Variants in FKBP5 observed in about 807,000 individuals in gnomAD.
FKBP5 encodes the protein FKBP prolyl isomerase 5.
In FKBP5, 23 loss-of-function variants were observed where a neutral mutation model predicts 50.5. That is an observed-to-expected ratio of 0.46 (90% CI 0.33 to 0.65). The LOEUF (loss-of-function observed/expected upper bound fraction) is 0.65, where lower values mean the gene tolerates loss of function less well. FKBP5 is among the 30% of genes least tolerant of loss of function. The probability of loss-of-function intolerance (pLI) is 0.02; values close to 1 mark genes in which losing one functional copy is unlikely to be tolerated. For missense variants in FKBP5, 411 were observed against 553.1 expected (o/e 0.74, Z 2.58); for synonymous variants, 176 against 190.6 (o/e 0.92, Z 0.63).
At chr6:35,608,485 T>C (rs933950689) in intron 5 of FKBP5, among the ~76,000 whole-genome samples, 6 of 152,148 alleles carry the variant, frequency 3.9e-5, no homozygotes, top group Non-Finnish European at 7.4e-5. Flanking sequence ...GCTTATGCCC[T>C]GGAGTTCAAG....
intron 3 of FKBP5, among the ~76,000 whole-genome samples, chr6:35,622,717 C>A (rs1763882354): frequency 6.6e-6 from 1 of 152,084 alleles, no homozygotes; most frequent in Non-Finnish European, 1.5e-5. Context: ...ACTACTTTTT[C>A]ATTTATTATA....
At chr6:35,693,908 T>A (rs982636832), upstream of FKBP5, among the ~76,000 whole-genome samples, 1 of 152,130 alleles carries the variant, frequency 6.6e-6, no homozygotes, top group African/African-American at 2.4e-5. Context: ...TTATCCATCC[T>A]TAAACATAGT....
At chr6:35,670,885 T>G (rs1162058795) in intron 1 of FKBP5, among the ~76,000 whole-genome samples, 1 of 152,070 alleles carries the variant, frequency 6.6e-6, no homozygotes, top group African/African-American at 2.4e-5. Flanking sequence ...TTAAAAAATA[T>G]AAATGCACAC....
chr6:35,589,128 A>ATATATATATTT (rs1427010607), intron 7 of FKBP5, among the ~76,000 whole-genome samples: 1 of 121,562 alleles, frequency 8.2e-6, no homozygotes. Context: ...ATATATATAT[A>ATATATATATTT]TTTTTTTTTT....
intron 1 of FKBP5, among the ~76,000 whole-genome samples, chr6:35,655,639 T>G (rs572310275): frequency 2.0e-5 from 3 of 152,312 alleles, no homozygotes; most frequent in Admixed American, 2.0e-4. Flanking sequence ...TGATCACGAT[T>G]TTCAAAATCA....
chr6:35,688,489 T>A (rs1765900824), intron 1 of FKBP5, among the ~76,000 whole-genome samples: 1 of 151,762 alleles, frequency 6.6e-6, no homozygotes, highest in Admixed American at 6.6e-5. Context: ...CCGCCTCGCC[T>A]CTGCCGGGAG....
chr6:35,631,995 A>G (rs1450594863), intron 3 of FKBP5, among the ~76,000 whole-genome samples: 1 of 150,360 alleles, frequency 6.7e-6, no homozygotes, highest in Admixed American at 6.6e-5. Flanking sequence ...TAATTCTTTC[A>G]TCCTCCAAAT....
intron 5 of FKBP5, among the ~76,000 whole-genome samples, chr6:35,605,383 CTTTTTTTTTTTTT>C (rs1158530509): frequency 7.3e-4 from 38 of 52,310 alleles, no homozygotes; most frequent in African/African-American, 2.3e-3. Flanking sequence ...ATGACAATAT[CTTTTTTTTTTTTT>C]TTTTTTTTTT....
intron 3 of FKBP5, among the ~76,000 whole-genome samples, chr6:35,631,690 C>T (rs1455613612): frequency 6.6e-6 from 1 of 152,122 alleles, no homozygotes; most frequent in Non-Finnish European, 1.5e-5. Context: ...GGTGTGGTGG[C>T]TCACGCCTGT....
intron 8 of FKBP5, chr6:35,581,090 T>A: frequency 1.0e-6 from 1 of 963,334 alleles, no homozygotes; most frequent in African/African-American, 1.8e-5. Flanking sequence ...AGTTAAACTG[T>A]ACTTACAAAA....
intron 10 of FKBP5, among the ~76,000 whole-genome samples, chr6:35,576,484 C>T (rs1372771362): frequency 1.3e-5 from 2 of 152,110 alleles, no homozygotes; most frequent in East Asian, 3.9e-4. Flanking sequence ...CCAGCCTAGA[C>T]AACAAAGTGA....
At chr6:35,668,081 T>C (rs1765279861) in intron 1 of FKBP5, among the ~76,000 whole-genome samples, 1 of 152,278 alleles carries the variant, frequency 6.6e-6, no homozygotes, top group Non-Finnish European at 1.5e-5. Context: ...TAATTTAATT[T>C]TTCTACAACG....
At chr6:35,719,335 G>T (rs954611130) in intron 2 of FKBP5, among the ~76,000 whole-genome samples, 2 of 152,152 alleles carry the variant, frequency 1.3e-5, no homozygotes, top group African/African-American at 4.8e-5. Flanking sequence ...TGACTGGAAG[G>T]GGGCACGAAG....
At chr6:35,680,514 T>C (rs1396579544) in intron 1 of FKBP5, among the ~76,000 whole-genome samples, 1 of 152,184 alleles carries the variant, frequency 6.6e-6, no homozygotes, top group Non-Finnish European at 1.5e-5. Flanking sequence ...TTACATAAAA[T>C]AAGTAGTAGA....
chr6:35,605,563 A>AT (rs566747156), intron 5 of FKBP5, among the ~76,000 whole-genome samples: 2 of 151,316 alleles, frequency 1.3e-5, no homozygotes, highest in Admixed American at 6.6e-5. Context: ...TGTGTGGCTA[A>AT]TTTTTTTTAT....
intron 1 of FKBP5, among the ~76,000 whole-genome samples, chr6:35,686,088 CATTT>C (rs1311795400): frequency 6.6e-6 from 1 of 151,330 alleles, no homozygotes; most frequent in Non-Finnish European, 1.5e-5. Context: ...TCTGTAGCTT[CATTT>C]ATTTAAAAAT....
intron 5 of FKBP5, among the ~76,000 whole-genome samples, chr6:35,610,985 C>T (rs1210014178): frequency 6.6e-6 from 1 of 152,180 alleles, no homozygotes; most frequent in African/African-American, 2.4e-5. Flanking sequence ...TGTTTTATAA[C>T]AACCCTGATG....
chr6:35,636,495 A>G (rs77716710), intron 3 of FKBP5, among the ~76,000 whole-genome samples: 264 of 152,246 alleles, frequency 1.7e-3, no homozygotes, highest in African/African-American at 5.6e-3. Flanking sequence ...CCTTGAGACA[A>G]CCATCATACT....
chr6:35,679,092 A>G (rs1561891366), intron 1 of FKBP5, among the ~76,000 whole-genome samples: 1 of 152,206 alleles, frequency 6.6e-6, no homozygotes, highest in African/African-American at 2.4e-5. Flanking sequence ...AAAAAAATAT[A>G]TGAAATACAA....
Sources: allele counts gnomAD v4.1 joint callset (sites outside exome capture counted in the v4.1 genomes callset), GRCh38; gene constraint gnomAD v4.1.1; transcripts MANE v1.5; gene names NCBI Gene and HGNC (gene_info 2026-07-23, HGNC 2026-07-21).